Variants in UBE2D1 observed in about 807,000 individuals in gnomAD.
UBE2D1 encodes the protein ubiquitin-conjugating enzyme E2 D1.
A neutral mutation model predicts 24.6 loss-of-function variants in UBE2D1; 9 were observed. That is an observed-to-expected ratio of 0.37 (90% confidence interval 0.22 to 0.64). The LOEUF is 0.64. Ranked by LOEUF, UBE2D1 falls within the 30% of genes least tolerant of loss-of-function variation. The probability of loss-of-function intolerance (pLI) is 0.64; values close to 1 mark genes in which losing one functional copy is unlikely to be tolerated. For missense variants in UBE2D1, 87 were observed against 177.1 expected (o/e 0.49, Z 2.89); for synonymous variants, 57 against 57.6 (o/e 0.99, Z 0.04).
At chr10:58,336,901 C>T (rs1485751086) in intron 1 of UBE2D1, among the ~76,000 whole-genome samples, 1 of 152,072 alleles carries the variant, frequency 6.6e-6, no homozygotes. Flanking sequence ...CTCCTGGCCT[C>T]CAGAAAGTCT....
chr10:58,360,367 G>A (rs891970418), intron 1 of UBE2D1, among the ~76,000 whole-genome samples: 4 of 151,884 alleles, frequency 2.6e-5, no homozygotes, highest in African/African-American at 9.7e-5. Context: ...GGCTAAAGAA[G>A]TGAAGTAACT....
At chr10:58,359,702 G>A (rs529931411) in intron 1 of UBE2D1, among the ~76,000 whole-genome samples, 63 of 152,338 alleles carry the variant, frequency 4.1e-4, no homozygotes, top group Non-Finnish European at 8.1e-4. Context: ...CAAGCATGCA[G>A]TGAAGTATGT....
intron 3 of UBE2D1, among the ~76,000 whole-genome samples, chr10:58,361,993 G>A (rs1471142053): frequency 6.6e-6 from 1 of 151,954 alleles, no homozygotes; most frequent in African/African-American, 2.4e-5. Context: ...ATTACAATGG[G>A]TCTGTCTTTA....
intron 4 of UBE2D1, among the ~76,000 whole-genome samples, chr10:58,363,995 G>C (rs1840227882): frequency 6.6e-6 from 1 of 150,932 alleles, no homozygotes; most frequent in African/African-American, 2.4e-5. Context: ...TTCTATTCAT[G>C]GGATTATCCT....
chr10:58,359,013 T>TA (rs35713196), intron 1 of UBE2D1, among the ~76,000 whole-genome samples: 57,414 of 114,852 alleles, frequency 0.5, 14,157 homozygotes, highest in Non-Finnish European at 0.59. Flanking sequence ...ACCAGCTATT[T>TA]AAAAAAAAAA....
intron 1 of UBE2D1, among the ~76,000 whole-genome samples, chr10:58,341,708 G>C (rs1282187074): frequency 6.6e-6 from 1 of 152,080 alleles, no homozygotes; most frequent in African/African-American, 2.4e-5. Context: ...CCTGAAATAC[G>C]CATAGAAAAC....
chr10:58,337,556 T>C (rs949945201), intron 1 of UBE2D1, among the ~76,000 whole-genome samples: 8 of 152,158 alleles, frequency 5.3e-5, no homozygotes, highest in Admixed American at 2.6e-4. Flanking sequence ...GAAGTATTAA[T>C]ATAATTTTCC....
chr10:58,361,093 G>A (rs1202190698), intron 1 of UBE2D1, among the ~76,000 whole-genome samples: 1 of 152,108 alleles, frequency 6.6e-6, no homozygotes, highest in East Asian at 1.9e-4. Flanking sequence ...TTCTCTTAGG[G>A]ATGTTAAAGA....
chr10:58,348,196 A>C (rs528542186), intron 1 of UBE2D1, among the ~76,000 whole-genome samples: 3 of 152,340 alleles, frequency 2.0e-5, no homozygotes, highest in Admixed American at 6.5e-5. Context: ...TCTTCCAGGA[A>C]GAATCTACAT....
intron 1 of UBE2D1, among the ~76,000 whole-genome samples, chr10:58,352,590 C>T (rs544629366): frequency 8.6e-5 from 13 of 150,614 alleles, no homozygotes; most frequent in African/African-American, 1.7e-4. Context: ...TCTCTTAAAT[C>T]GAAAAAAAAA....
intron 5 of UBE2D1, 108 bp from the exon 6 acceptor site, chr10:58,367,814 GT>G (rs58516265): frequency 0.078 from 42,667 of 543,672 alleles, 4,162 homozygotes; most frequent in African/African-American, 0.36. Context: ...TTCATTTTAT[GT>G]TTTTTTTATA....
At chr10:58,359,495 AC>A (rs1465560159) in intron 1 of UBE2D1, among the ~76,000 whole-genome samples, 1 of 152,054 alleles carries the variant, frequency 6.6e-6, no homozygotes, top group Non-Finnish European at 1.5e-5. Flanking sequence ...TTTAAGGTCC[AC>A]CCCTGTATGT....
chr10:58,335,345 G>T (rs112660736), intron 1 of UBE2D1, 120 bp downstream of exon 1: 157,686 of 1,218,306 alleles, frequency 0.13, 10,755 homozygotes, highest in Middle Eastern at 0.16. Context: ...GCCGGGGTGC[G>T]GGCAGGGAGC....
intron 1 of UBE2D1, among the ~76,000 whole-genome samples, chr10:58,346,843 A>C (rs1422922739): frequency 6.6e-6 from 1 of 152,194 alleles, no homozygotes; most frequent in Non-Finnish European, 1.5e-5. Flanking sequence ...AAGATATTGC[A>C]CTTAAGTGAG....
rs1300372660 is a variant in UBE2D1, at chr10:58,370,157, T to C, written c.*1392T>C. 2.0e-5 allele frequency: 3 copies of C among 152,056 alleles called. No homozygotes were observed. The highest frequency in any genetic ancestry group is 4.4e-5 in the Non-Finnish European group (3 of 67,902). 9.4% of individuals were successfully genotyped at this position (152,056 alleles called of 1,614,324 possible). A position where few individuals can be genotyped will look rare whatever the true frequency, so the allele number is the denominator to read the frequency against. On this transcript the variant is annotated 3_prime_UTR_variant, in exon 7 of 7. Coordinates refer to ENST00000373910, the MANE Select transcript of UBE2D1 (RefSeq NM_003338.5). ...GTGATTTAAATAAGCAGGTTATCTT[T>C]ATAGATTTTAAAGAAAACTAGAAAG... is the stretch of plus-strand genomic sequence containing the variant.
At chr10:58,353,040 C>A (rs1840094623) in intron 1 of UBE2D1, among the ~76,000 whole-genome samples, 1 of 152,106 alleles carries the variant, frequency 6.6e-6, no homozygotes, top group Non-Finnish European at 1.5e-5. Context: ...ACCTAGAGGA[C>A]CTCTTTGCTA....
chr10:58,342,501 T>C (rs912604055), intron 1 of UBE2D1, among the ~76,000 whole-genome samples: 2 of 152,168 alleles, frequency 1.3e-5, no homozygotes, highest in African/African-American at 4.8e-5. Context: ...TTGGATTGTC[T>C]AGAGAAAACC....
chr10:58,366,117 C>T (rs11006122), intron 5 of UBE2D1, among the ~76,000 whole-genome samples: 68,106 of 152,028 alleles, frequency 0.45, 15,578 homozygotes, highest in African/African-American at 0.56. Flanking sequence ...CAAGTTCATA[C>T]GCTGTTTCCT....
intron 4 of UBE2D1, chr10:58,364,534 T>C: frequency 2.3e-6 from 1 of 427,828 alleles, no homozygotes. Flanking sequence ...CTGTCCAAAA[T>C]ACTCTTCAGT....
Sources: allele counts gnomAD v4.1 joint callset (sites outside exome capture counted in the v4.1 genomes callset), GRCh38; gene constraint gnomAD v4.1.1; transcripts MANE v1.5; gene names NCBI Gene and HGNC (gene_info 2026-07-23, HGNC 2026-07-21).